Variants in FAM3A observed in about 807,000 individuals in gnomAD.
The protein encoded by FAM3A is FAM3 metabolism regulating signaling molecule A.
In FAM3A, 5 loss-of-function variants were observed where a neutral mutation model predicts 18.1. That is an observed-to-expected ratio of 0.28 (90% CI 0.14 to 0.58). The LOEUF (loss-of-function observed/expected upper bound fraction) is 0.58. Among genes scored for constraint, FAM3A ranks in the 20% least tolerant of loss-of-function variants. The probability of loss-of-function intolerance (pLI) is 0.91; values close to 1 mark genes in which losing one functional copy is unlikely to be tolerated. For missense variants in FAM3A, 154 were observed against 216.6 expected, an observed-to-expected ratio of 0.71 and a Z score of 1.81; for synonymous variants, 108 against 90.2, an observed-to-expected ratio of 1.20 and a Z score of -1.12.
intron 3 of FAM3A, 189 bp from the exon 4 acceptor site, chrX:154,508,786 A>G: frequency 1.8e-6 from 1 of 546,745 alleles, no homozygotes; most frequent in Admixed American, 2.7e-5. Flanking sequence ...GGCCACAGGG[A>G]CCCAAGACAG....
intron 2 of FAM3A, chrX:154,512,242 T>TAAG (rs1251382761): frequency 7.3e-4 from 20 of 27,457 alleles, no homozygotes; most frequent in Non-Finnish European, 1.0e-3. Context: ...ATAATAATAA[T>TAAG]AATAATAATA....
chrX:154,507,444 G>T lies in FAM3A; in HGVS notation c.432C>A (p.Thr144=). The part of the protein sequence containing the change: ...LKFIRPLHEG[T]LVFVASYDDP... ...CGTCGTAGGATGCCACGAACACCAGGGTGCCTTCGTGCAGTGGCCGAATAA... is the reference window on the plus strand; with the variant it reads ...CGTCGTAGGATGCCACGAACACCAGTGTGCCTTCGTGCAGTGGCCGAATAA... The change falls in exon 7 of 9, where the codon ACC becomes ACA. Residue 144 remains threonine, a synonymous_variant. Transcript: ENST00000447601. 8.3e-7 allele frequency: 1 copy of T among 1,211,396 alleles called. No homozygotes were observed.
intron 1 of FAM3A, among the ~76,000 whole-genome samples, chrX:154,515,207 C>T (rs7053165): frequency 3.6e-5 from 4 of 112,047 alleles, no homozygotes; most frequent in African/African-American, 1.3e-4. Context: ...TAGTTCCAGC[C>T]GTGGCCTCTC....
chrX:154,507,414 T>C lies in FAM3A; in HGVS notation c.462A>G (p.Pro154=). The change falls in exon 7 of 9, where the codon CCA becomes CCG. Residue 154 remains proline, a synonymous_variant. Coordinates refer to ENST00000447601, the MANE Select transcript of FAM3A (RefSeq NM_021806.4). ...CCTCCCCAAGCACCTACTTGGTGGCTGGGTCGTCGTAGGATGCCACGAACA... is the reference window on the plus strand; with the variant it reads ...CCTCCCCAAGCACCTACTTGGTGGCCGGGTCGTCGTAGGATGCCACGAACA... ...TLVFVASYDD[P]ATKMNEETRK... 8.3e-7 allele frequency: 1 copy of C among 1,211,565 alleles called. No homozygotes were observed. The highest frequency in any genetic ancestry group is 2.2e-5 in the Admixed American group (1 of 46,072).
chrX:154,510,666 C>T (rs1222111328), intron 3 of FAM3A: 3 of 111,209 alleles, frequency 2.7e-5, no homozygotes, highest in Non-Finnish European at 3.8e-5. Context: ...TGGTGGCTCA[C>T]GCCTATAATC....
At chrX:154,506,990 A>G (rs2148288918) in intron 8 of FAM3A, 84 bp from the exon 9 acceptor site, 1 of 956,661 alleles carries the variant, frequency 1.0e-6, no homozygotes. Context: ...CTGTCAGTCA[A>G]CTGTGCTGTG....
chrX:154,514,615 A>G (rs1210432516), intron 1 of FAM3A, among the ~76,000 whole-genome samples: 4 of 111,040 alleles, frequency 3.6e-5, no homozygotes, highest in Non-Finnish European at 7.6e-5. Context: ...CATGTTAGCC[A>G]GGATGGTCTT....
intron 2 of FAM3A, 71 bp downstream of exon 2, chrX:154,512,752 G>C (rs926617221): frequency 4.0e-6 from 3 of 758,152 alleles, no homozygotes; most frequent in Non-Finnish European, 6.1e-6. Context: ...CCAACCCAGA[G>C]CCTCAACCAC....
intron 3 of FAM3A, chrX:154,510,829 A>C (rs2148301904): frequency 9.1e-6 from 1 of 109,545 alleles, no homozygotes; most frequent in South Asian, 4.0e-4. Flanking sequence ...CAGGAGGCTG[A>C]GGTGGGAGAA....
chrX:154,508,353 TGG>T lies in FAM3A; in HGVS notation c.276-8_276-7del. 4.5e-5 allele frequency: 13 copies of T among 291,793 alleles called. No individual in the cohort carries two copies. Among genetic ancestry groups the T allele is most frequent in the Non-Finnish European group, 3.9e-5 (8 of 206,720 alleles). 24.0% of individuals were successfully genotyped at this position (291,793 alleles called of 1,213,427 possible). ...CCTTGACGCTGCTCATCAGCCTAGT[TGG>T]GGGGGGGTGGGGGGGACGGGGAGAT... On this transcript the variant is annotated splice_region_variant and splice_polypyrimidine_tract_variant and intron_variant, in intron 4 of 8. Coordinates refer to ENST00000447601, the MANE Select transcript of FAM3A (RefSeq NM_021806.4).
At chrX:154,511,732 C>A in intron 3 of FAM3A, 116 bp downstream of exon 3, 2 of 693,850 alleles carry the variant, frequency 2.9e-6, no homozygotes, top group South Asian at 4.7e-5. Flanking sequence ...AAGCAGCCCC[C>A]GTGGACCACC....
chrX:154,507,509 CG>C lies in FAM3A; in HGVS notation c.386-20del, dbSNP rs782400040. Reference sequence around the variant, plus strand: ...TTGACATCTGGGGGGGCAGGTGCCACGGAACAGGGGTCATCAGGCACCACTG... The same window carrying C: ...TTGACATCTGGGGGGGCAGGTGCCACGAACAGGGGTCATCAGGCACCACTG... On this transcript the variant is annotated intron_variant, in intron 6 of 8. Coordinates refer to ENST00000447601, the MANE Select transcript of FAM3A (RefSeq NM_021806.4). 2 of 1,196,949 alleles carry C rather than the reference CG, an allele frequency of 1.7e-6. No homozygotes were observed. Among genetic ancestry groups the C allele is most frequent in the East Asian group, 3.0e-5 (1 of 33,725 alleles).
Position 154,515,803 on chromosome X carries a change from G to A in FAM3A, c.-31C>T, listed in dbSNP as rs782507216. On this transcript the variant is annotated 5_prime_UTR_variant, in exon 1 of 9. Coordinates refer to ENST00000447601, the MANE Select transcript of FAM3A (RefSeq NM_021806.4). ...CTTCTCCTGCTGGGTTGGGACCGCC[G>A]GCAAGTGCACTGTTTGGGGGCAAAG... The A allele has an allele frequency of 2.5e-6, 3 of 1,208,299 alleles. No individual in the cohort carries two copies. The highest frequency in any genetic ancestry group is 3.0e-5 in the East Asian group (1 of 33,734).
chrX:154,507,935 G>T, intron 5 of FAM3A, 74 bp from the exon 6 acceptor site: 1 of 922,789 alleles, frequency 1.1e-6, no homozygotes, highest in Non-Finnish European at 1.5e-6. Flanking sequence ...TAGCACCGGG[G>T]GTGGGGGGCA....
At position 154,507,854 on chromosome X, in the gene FAM3A, G is replaced by A. The variant is rs201148170; in HGVS notation, c.342C>T (p.Ser114=). 1.9e-5 allele frequency: 23 copies of A among 1,191,190 alleles called. No homozygotes were observed. Among genetic ancestry groups the A allele is most frequent in the South Asian group, 1.8e-4 (10 of 54,197 alleles). Reference sequence around the variant, plus strand: ...AGGCCCGGGCCTCGATGAGCTCGCCGCTGACCCCTGTGTCAGGAGGGAGGG... The same window carrying A: ...AGGCCCGGGCCTCGATGAGCTCGCCACTGACCCCTGTGTCAGGAGGGAGGG... ...GLNIALVNGV[S]GELIEARAFD... Residue 114 remains serine (S), a synonymous_variant, in exon 6 of 9, where the codon AGC becomes AGT. Transcript: ENST00000447601.
At chrX:154,514,907 G>A (rs2070111478) in intron 1 of FAM3A, among the ~76,000 whole-genome samples, 1 of 108,689 alleles carries the variant, frequency 9.2e-6, no homozygotes, top group Non-Finnish European at 1.9e-5. Context: ...TTATGCGGTG[G>A]CGCAATCTCG....
chrX:154,507,621 G>A (rs1343716250), intron 6 of FAM3A, 131 bp from the exon 7 acceptor site: 20 of 841,114 alleles, frequency 2.4e-5, no homozygotes, highest in Non-Finnish European at 3.4e-5. Flanking sequence ...GGACAGGCTG[G>A]TGTAGGAAGC....
intron 3 of FAM3A, chrX:154,510,713 G>A (rs2069825942): frequency 9.0e-6 from 1 of 110,733 alleles, no homozygotes; most frequent in African/African-American, 3.3e-5. Context: ...AGGATCACTT[G>A]AGGTCAGGAA....
chrX:154,514,347 G>A (rs945109286), intron 1 of FAM3A, among the ~76,000 whole-genome samples: 2 of 110,666 alleles, frequency 1.8e-5, no homozygotes, highest in Non-Finnish European at 3.8e-5. Flanking sequence ...GGGTTCAAGC[G>A]ATTCTCCTGC....
Sources: allele counts gnomAD v4.1 joint callset (sites outside exome capture counted in the v4.1 genomes callset), GRCh38; gene constraint gnomAD v4.1.1; transcripts MANE v1.5; gene names NCBI Gene and HGNC (gene_info 2026-07-23, HGNC 2026-07-21).